The following HYDIN variants were observed in gnomAD, a reference collection of about 807,000 sequenced individuals.
HYDIN encodes HYDIN axonemal central pair apparatus protein, also known as axonemal central pair apparatus protein HYDIN.
Under a neutral mutation model 403.9 loss-of-function variants are expected in HYDIN, and 132 were observed. That is an observed-to-expected ratio of 0.33 (90% CI 0.28 to 0.38). The LOEUF is 0.38. HYDIN is among the 10% of genes least tolerant of loss of function. The pLI is 1.00. For synonymous variants in HYDIN, 1,202 were observed against 1,891.7 expected (o/e 0.64, Z 9.46); for missense variants, 2,827 against 5,009.5 (o/e 0.56, Z 13.15).
At chr16:70,991,932 C>A (rs16943619) in intron 24 of HYDIN, 138 bp downstream of exon 24, 5 of 1,449,996 alleles carry the variant, frequency 3.4e-6, no homozygotes, top group African/African-American at 1.4e-5. Flanking sequence ...AGTCTGGGGC[C>A]TACACATAGA....
chr16:70,877,986 C>T (rs2040550261), intron 62 of HYDIN, among the ~76,000 whole-genome samples: 1 of 152,184 alleles, frequency 6.6e-6, no homozygotes, highest in African/African-American at 2.4e-5. Flanking sequence ...GAAGAGTATT[C>T]TTCAGTTGGT....
At chr16:71,161,211 C>T (rs1385829177) in intron 6 of HYDIN, among the ~76,000 whole-genome samples, 10 of 150,034 alleles carry the variant, frequency 6.7e-5, no homozygotes, top group African/African-American at 9.9e-5. Flanking sequence ...ATCTCTTACA[C>T]GCACAGTTCA....
Position 70,883,983 on chromosome 16 carries a change from G to A in HYDIN, c.9916C>T (p.Arg3306Ter), listed in dbSNP as rs776672020. The A allele has an allele frequency of 3.1e-6, 5 of 1,614,122 alleles. No homozygotes were observed. The highest frequency in any genetic ancestry group is 1.3e-5 in the African/African-American group (1 of 74,970). Residue 3306 changes from arginine to a stop codon, truncating the protein, a stop_gained, in exon 59 of 86, where the codon CGA becomes TGA. Transcript: ENST00000393567. LOFTEE classifies it high-confidence loss of function. ...EEFIAIDISG[R>*]DPAVHPAGIL... ...CCGGCAGGGTGGACTGCAGGGTCTC[G>A]GCCGGAGATATCGATGGCTATAAAC...
chr16:71,083,244 C>T (rs1193609974), intron 12 of HYDIN, among the ~76,000 whole-genome samples: 1 of 151,314 alleles, frequency 6.6e-6, no homozygotes, highest in Non-Finnish European at 1.5e-5. Flanking sequence ...CACAAAAGAC[C>T]GTGGTAGCAA....
At chr16:70,990,578 T>C (rs1008016645) in intron 25 of HYDIN, among the ~76,000 whole-genome samples, 1 of 151,782 alleles carries the variant, frequency 6.6e-6, no homozygotes, top group Non-Finnish European at 1.5e-5. Context: ...TAGAGAACTT[T>C]CTCATTTTTA....
At chr16:71,175,520 A>G in intron 5 of HYDIN, 87 bp downstream of exon 5, 1 of 1,338,692 alleles carries the variant, frequency 7.5e-7, no homozygotes, top group Non-Finnish European at 1.0e-6. Context: ...CACCACCACC[A>G]CCAGCACTAC....
intron 53 of HYDIN, among the ~76,000 whole-genome samples, chr16:70,897,173 A>G (rs967406614): frequency 2.6e-5 from 4 of 152,168 alleles, no homozygotes; most frequent in Non-Finnish European, 5.9e-5. Flanking sequence ...AAATAATCCC[A>G]TCAAAAAGTG....
intron 1 of HYDIN, among the ~76,000 whole-genome samples, chr16:71,220,280 C>G (rs1040307069): frequency 2.0e-5 from 3 of 152,180 alleles, no homozygotes; most frequent in African/African-American, 4.8e-5. Flanking sequence ...ATTCTTAAAG[C>G]CTGTGAAACT....
At chr16:70,955,966 C>A (rs2078222461) in intron 39 of HYDIN, among the ~76,000 whole-genome samples, 2 of 151,992 alleles carry the variant, frequency 1.3e-5, no homozygotes, top group South Asian at 4.2e-4. Flanking sequence ...TTACAGGCAC[C>A]CACCACCATA....
chr16:70,925,083 G>C (rs2077108141), intron 45 of HYDIN, among the ~76,000 whole-genome samples: 1 of 152,082 alleles, frequency 6.6e-6, no homozygotes, highest in Non-Finnish European at 1.5e-5. Flanking sequence ...AAGGTTTCTA[G>C]TGCTCCTAGC....
At chr16:71,182,765 C>T (rs1236447167) in intron 3 of HYDIN, among the ~76,000 whole-genome samples, 1 of 152,046 alleles carries the variant, frequency 6.6e-6, no homozygotes, top group Non-Finnish European at 1.5e-5. Context: ...GAATTTAAAG[C>T]CTTTTTTCCT....
chr16:70,878,005 G>C (rs1309916310), intron 62 of HYDIN, among the ~76,000 whole-genome samples: 1 of 152,076 alleles, frequency 6.6e-6, no homozygotes, highest in Non-Finnish European at 1.5e-5. Context: ...GTAGGAAAAG[G>C]GTCCAAGATG....
At chr16:70,940,781 T>C (rs375909986) in intron 43 of HYDIN, among the ~76,000 whole-genome samples, 1 of 152,196 alleles carries the variant, frequency 6.6e-6, no homozygotes, top group African/African-American at 2.4e-5. Flanking sequence ...TTGTAAGTAT[T>C]TCCTTAATTG....
chr16:70,971,018 G>A (rs1389456087), intron 35 of HYDIN, among the ~76,000 whole-genome samples: 1 of 152,142 alleles, frequency 6.6e-6, no homozygotes, highest in Non-Finnish European at 1.5e-5. Flanking sequence ...GTGCTTCATC[G>A]TTTGTAGCAA....
rs1044250307 is a variant in HYDIN, at chr16:70,810,007, C to G, written c.14659G>C (p.Gly4887Arg). 3 of 1,613,792 alleles carry G rather than the reference C, an allele frequency of 1.9e-6. No homozygotes were observed. Among genetic ancestry groups the G allele is most frequent in the Middle Eastern group, 1.7e-4 (1 of 6,044 alleles). Residue 4887 changes from glycine to arginine, a missense_variant and splice_region_variant, in exon 85 of 86, where the codon GGC becomes CGC. Transcript: ENST00000393567. ...GGCTGAAATTCAAATGAGAACGTGC[C>G]CTGGAAGAGAAAACAGAGGATCCTG... ...SQFVVPANSEGTFSFEFQPLK... is the reference protein window; with the variant it reads ...SQFVVPANSERTFSFEFQPLK...
chr16:70,980,554 T>TTA (rs372055591), intron 29 of HYDIN, among the ~76,000 whole-genome samples: 2,698 of 146,960 alleles, frequency 0.018, 39 homozygotes, highest in African/African-American at 0.036. Context: ...TAAATATAAA[T>TTA]TATATATATA....
At chr16:70,820,252 G>A (rs1412538462) in intron 83 of HYDIN, among the ~76,000 whole-genome samples, 3 of 134,544 alleles carry the variant, frequency 2.2e-5, no homozygotes, top group African/African-American at 2.8e-5. Flanking sequence ...GTGCAGTGGC[G>A]CAATCTCGGC....
chr16:70,836,499 T>A (rs914647919), intron 77 of HYDIN, among the ~76,000 whole-genome samples: 5 of 152,190 alleles, frequency 3.3e-5, no homozygotes, highest in African/African-American at 1.2e-4. Context: ...GGAGAGATGA[T>A]GGTGGTTGGA....
At chr16:71,082,326 A>G (rs187895980) in intron 12 of HYDIN, among the ~76,000 whole-genome samples, 78 of 152,304 alleles carry the variant, frequency 5.1e-4, no homozygotes, top group African/African-American at 1.7e-3. Flanking sequence ...AATTATTGTT[A>G]GTGGTTTGAA....
Sources: allele counts gnomAD v4.1 joint callset (sites outside exome capture counted in the v4.1 genomes callset), GRCh38; gene constraint gnomAD v4.1.1; transcripts MANE v1.5; gene names NCBI Gene and HGNC (gene_info 2026-07-23, HGNC 2026-07-21).